Variants in BUB1 observed in about 807,000 individuals in gnomAD.
The protein encoded by BUB1 is mitotic checkpoint serine/threonine-protein kinase BUB1.
Under a neutral mutation model 135.2 loss-of-function variants are expected in BUB1, and 84 were observed. The ratio of observed to expected loss-of-function variants is 0.62; its 90% CI spans 0.52 to 0.74. BUB1 has a LOEUF of 0.74. Among genes scored for constraint, BUB1 ranks in the 30% least tolerant of loss-of-function variants. The pLI is 0.00. For synonymous variants in BUB1, 403 were observed against 434.4 expected, an observed-to-expected ratio of 0.93 and a Z score of 0.90; for missense variants, 1,162 against 1,288.3, an observed-to-expected ratio of 0.90 and a Z score of 1.50.
chr2:110,655,636 T>C (rs1689910049), intron 16 of BUB1, 103 bp downstream of exon 16: 2 of 1,109,906 alleles, frequency 1.8e-6, no homozygotes, highest in African/African-American at 3.1e-5. Context: ...AAAGTTCCCA[T>C]GTGGAATTTC....
At position 110,640,984 on chromosome 2, in the gene BUB1, T is replaced by G. The variant is rs373507666; in HGVS notation, c.2955+50A>C. On this transcript the variant is annotated intron_variant, in intron 23 of 24. Coordinates refer to ENST00000302759, the MANE Select transcript of BUB1 (RefSeq NM_004336.5). The stretch of plus-strand genomic sequence containing the variant: ...CCCCAAATTCATTTTGAAAATCTGA[T>G]AAGCGCAACACAGAAAAATATTTCC... 7 of 1,483,846 alleles carry G rather than the reference T, an allele frequency of 4.7e-6. No individual in the cohort carries two copies. In the African/African-American group the frequency reaches 9.9e-5, roughly 21 times the overall value. 91.9% of individuals were successfully genotyped at this position (1,483,846 alleles called of 1,614,324 possible).
chr2:110,661,789 G>C lies in BUB1; in HGVS notation c.1010C>G (p.Ala337Gly), dbSNP rs548365437. 1.2e-6 allele frequency: 2 copies of C among 1,614,156 alleles called. No homozygotes were observed. Among genetic ancestry groups the C allele is most frequent in the South Asian group, 2.2e-5 (2 of 91,078 alleles). The change falls in exon 10 of 25, where the codon GCG becomes GGG. Residue 337 changes from alanine (A) to glycine (G), a missense_variant. Coordinates refer to ENST00000302759, the MANE Select transcript of BUB1 (RefSeq NM_004336.5). Reference protein sequence around the residue: ...PSVGSQQELRAPCLPVTYQQT... With the variant: ...PSVGSQQELRGPCLPVTYQQT... ...CTGATAGGTTACTGGAAGACATGGC[G>C]CTCTCAGTTCCTGCTGGGAGCCTAC... is the stretch of plus-strand genomic sequence containing the variant.
At position 110,665,647 on chromosome 2, in the gene BUB1, A is replaced by G. The variant is rs557587596; in HGVS notation, c.957+616T>C. On this transcript the variant is annotated intron_variant, in intron 9 of 24. Transcript: ENST00000302759. Reference sequence around the variant, plus strand: ...TATATACAAATGAATGCTCTCCTTCATATATACATATATACACACCTTTCA... The same window carrying G: ...TATATACAAATGAATGCTCTCCTTCGTATATACATATATACACACCTTTCA... Among the ~76,000 whole-genome samples the G allele has an allele frequency of 6.6e-5, 10 of 151,534 alleles. No individual in the cohort carries two copies. The East Asian group carries it at 1.9e-3, about 29-fold the overall frequency.
intron 17 of BUB1, among the ~76,000 whole-genome samples, chr2:110,651,411 C>G (rs182398714): frequency 1.3e-5 from 2 of 151,916 alleles, no homozygotes; most frequent in Admixed American, 1.3e-4. Flanking sequence ...TTTTTTAATG[C>G]TTATAGAATG....
chr2:110,671,146 C>A (rs988277500), intron 4 of BUB1, among the ~76,000 whole-genome samples: 1 of 152,176 alleles, frequency 6.6e-6, no homozygotes, highest in African/African-American at 2.4e-5. Flanking sequence ...AGTGGTAACC[C>A]TTGTTGGCTC....
chr2:110,650,000 C>T (rs1689738519), intron 18 of BUB1, among the ~76,000 whole-genome samples: 1 of 152,120 alleles, frequency 6.6e-6, no homozygotes, highest in Non-Finnish European at 1.5e-5. Flanking sequence ...TATTAATTTA[C>T]TTGGTTCTTA....
Position 110,670,501 on chromosome 2 carries a change from G to T in BUB1, c.466+24C>A, listed in dbSNP as rs375752000. The T allele has an allele frequency of 2.2e-5, 35 of 1,612,078 alleles. No individual in the cohort carries two copies. In the African/African-American group the frequency reaches 3.7e-4, roughly 17 times the overall value. ...TCCAAGACTAAATGGACAACAACAG[G>T]CATTTTAGAAAGCCTGATTTTACCT... On this transcript the variant is annotated intron_variant, in intron 5 of 24. Transcript: ENST00000302759.
chr2:110,658,570 T>G (rs1489957144), intron 12 of BUB1, 44 bp downstream of exon 12: 2 of 1,613,936 alleles, frequency 1.2e-6, no homozygotes, highest in South Asian at 2.2e-5. Context: ...AGAGCTTTCA[T>G]TAACTTGTCA....
intron 22 of BUB1, 31 bp from the exon 23 acceptor site, chr2:110,641,236 A>G (rs887460155): frequency 6.3e-7 from 1 of 1,585,680 alleles, no homozygotes; most frequent in Non-Finnish European, 8.6e-7. Flanking sequence ...GCCAGGCTGC[A>G]TGAGCACAAA....
At chr2:110,639,536 C>G (rs895725178) in intron 24 of BUB1, among the ~76,000 whole-genome samples, 1 of 152,142 alleles carries the variant, frequency 6.6e-6, no homozygotes. Flanking sequence ...GTGAGGACAT[C>G]AGCTGCCCCA....
intron 19 of BUB1, 88 bp downstream of exon 19, chr2:110,649,146 A>ATCAC: frequency 9.5e-7 from 1 of 1,052,730 alleles, no homozygotes; most frequent in Non-Finnish European, 1.3e-6. Context: ...AAATAGGAGA[A>ATCAC]TCACACACAC....
intron 13 of BUB1, 26 bp downstream of exon 13, chr2:110,658,384 C>G (rs1689988721): frequency 1.3e-6 from 2 of 1,564,840 alleles, no homozygotes; most frequent in Admixed American, 1.7e-5. Context: ...ATGCTATGCA[C>G]TTAGTAGCTT....
At chr2:110,652,030 A>G (rs553221539) in intron 17 of BUB1, among the ~76,000 whole-genome samples, 80 of 151,976 alleles carry the variant, frequency 5.3e-4, no homozygotes, top group Non-Finnish European at 7.8e-4. Context: ...ATGACTGTAC[A>G]TGGAAGTATA....
At chr2:110,674,409 T>C (rs1433891610) in intron 1 of BUB1, 44 bp from the exon 2 acceptor site, 1 of 1,565,768 alleles carries the variant, frequency 6.4e-7, no homozygotes, top group South Asian at 1.1e-5. Context: ...AGGGATAATT[T>C]CTACAAGCAA....
chr2:110,639,691 A>G (rs747377863), intron 24 of BUB1, 51 bp downstream of exon 24: 2 of 1,405,656 alleles, frequency 1.4e-6, no homozygotes, highest in South Asian at 2.3e-5. Flanking sequence ...GGAACCCAAC[A>G]TTCTACTTTA....
chr2:110,648,073 C>T lies in BUB1; in HGVS notation c.2347+1161G>A, dbSNP rs1294894898. On this transcript the variant is annotated intron_variant, in intron 19 of 24. Coordinates refer to ENST00000302759, the MANE Select transcript of BUB1 (RefSeq NM_004336.5). The surrounding 1 kb of genome is among the most constrained non-coding windows in gnomAD (Gnocchi z 4.2). ...ATTATGAGTTGAAAACTTATGTCCA[C>T]ACAAAAACTTGCACACAGATGTTTA... 6.6e-6 allele frequency among the ~76,000 whole-genome samples: 1 copy of T among 152,114 alleles called. No individual in the cohort carries two copies. The highest frequency in any genetic ancestry group is 1.5e-5 in the Non-Finnish European group (1 of 68,012).
intron 17 of BUB1, among the ~76,000 whole-genome samples, chr2:110,652,057 CAT>C (rs1358781992): frequency 6.7e-6 from 1 of 149,602 alleles, no homozygotes; most frequent in Non-Finnish European, 1.5e-5. Flanking sequence ...CATATACATC[CAT>C]ACACACACAC....
chr2:110,642,465 CTG>C (rs1689529897), intron 19 of BUB1: 3 of 298,646 alleles, frequency 1.0e-5, no homozygotes, highest in Admixed American at 9.4e-5. Flanking sequence ...TAGTTTTTGC[CTG>C]TGTTCTAGGA....
intron 20 of BUB1, 96 bp from the exon 21 acceptor site, chr2:110,641,899 A>G: frequency 7.4e-7 from 1 of 1,358,044 alleles, no homozygotes; most frequent in South Asian, 1.4e-5. Context: ...TGTGGTGTTG[A>G]TAGTGATGAC....
Sources: allele counts gnomAD v4.1 joint callset (sites outside exome capture counted in the v4.1 genomes callset), GRCh38; gene constraint gnomAD v4.1.1; non-coding constraint Gnocchi (gnomAD v3.1); transcripts MANE v1.5; gene names NCBI Gene and HGNC (gene_info 2026-07-23, HGNC 2026-07-21).